Variants in LARS2 observed in about 807,000 individuals in gnomAD.
LARS2 encodes leucine--tRNA ligase, mitochondrial.
In LARS2, 81 loss-of-function variants were observed where a neutral mutation model predicts 116.6. The observed-to-expected ratio is 0.69, with a 90% CI of 0.58 to 0.84. The LOEUF is 0.84. LARS2 is among the 40% of genes least tolerant of loss of function. The probability of loss-of-function intolerance (pLI) is 0.00; values close to 1 mark genes in which losing one functional copy is unlikely to be tolerated. For missense variants in LARS2, 968 were observed against 1,114.5 expected, an observed-to-expected ratio of 0.87 and a Z score of 1.87; for synonymous variants, 396 against 407.2, an observed-to-expected ratio of 0.97 and a Z score of 0.33.
chr3:45,418,229 G>A (rs1698461343), intron 5 of LARS2, among the ~76,000 whole-genome samples: 2 of 152,316 alleles, frequency 1.3e-5, no homozygotes, highest in African/African-American at 2.4e-5. Flanking sequence ...GGCCTGGGAC[G>A]CTTCCCCATG....
chr3:45,446,702 C>A (rs1376722155), intron 6 of LARS2, among the ~76,000 whole-genome samples, 189 bp from the exon 7 acceptor site: 2 of 152,168 alleles, frequency 1.3e-5, no homozygotes, highest in Non-Finnish European at 2.9e-5. Context: ...GTGTAGGTGG[C>A]ATTTCAATAA....
rs1310061774 is a variant in LARS2, at chr3:45,394,515, G to A, written c.62G>A (p.Gly21Asp). The change falls in exon 3 of 22, where the codon GGT becomes GAT. Residue 21 changes from glycine to aspartate, a missense_variant. By Grantham distance (94) the Gly-to-Asp change is moderately conservative (BLOSUM62 -1). Coordinates refer to ENST00000645846, the MANE Select transcript of LARS2 (RefSeq NM_015340.4). ...TCTCTTCTGAAAAGACAGCTAAATG[G>A]TGGGCCAGATGTCATCAAGTGGGAA... is the stretch of plus-strand genomic sequence containing the variant. ...YASLLKRQLN[G>D]GPDVIKWERR... 6 of 1,614,040 alleles carry A rather than the reference G, an allele frequency of 3.7e-6. No individual in the cohort carries two copies. The highest frequency in any genetic ancestry group is 1.3e-5 in the African/African-American group (1 of 74,904).
At position 45,417,608 on chromosome 3, in the gene LARS2, A is replaced by C. The variant is rs936127836; in HGVS notation, c.455+35A>C. On this transcript the variant is annotated intron_variant, in intron 5 of 21. Transcript: ENST00000645846. ...TACAGGCATATTCAAATACTTGCATACAAAAACCTTTAAAAAATTTTTTTA... is the reference window on the plus strand; with the variant it reads ...TACAGGCATATTCAAATACTTGCATCCAAAAACCTTTAAAAAATTTTTTTA... 2.0e-6 allele frequency: 3 copies of C among 1,531,466 alleles called. No individual in the cohort carries two copies. In the African/African-American group the frequency reaches 4.1e-5, roughly 21 times the overall value. 94.9% of individuals were successfully genotyped at this position (1,531,466 alleles called of 1,614,324 possible).
At chr3:45,530,662 G>C (rs1400780739) in intron 20 of LARS2, among the ~76,000 whole-genome samples, 3 of 152,188 alleles carry the variant, frequency 2.0e-5, no homozygotes, top group Non-Finnish European at 2.9e-5. Flanking sequence ...GAAAAGATAT[G>C]AATCTATTTA....
chr3:45,403,558 C>T (rs762395573), intron 4 of LARS2, among the ~76,000 whole-genome samples: 27 of 152,066 alleles, frequency 1.8e-4, no homozygotes, highest in Admixed American at 4.6e-4. Context: ...TCAGATGATC[C>T]GCCCGCCTTG....
intron 19 of LARS2, among the ~76,000 whole-genome samples, chr3:45,521,123 T>A (rs1398250259): frequency 6.6e-6 from 1 of 152,004 alleles, no homozygotes; most frequent in African/African-American, 2.4e-5. Flanking sequence ...GCTAACACAG[T>A]GAAACCCCAT....
At position 45,541,899 on chromosome 3, in the gene LARS2, G is replaced by A; in HGVS notation, c.2475G>A (p.Trp825Ter). The A allele has an allele frequency of 6.2e-7, 1 of 1,614,242 alleles. No individual in the cohort carries two copies. The highest frequency in any genetic ancestry group is 8.5e-7 in the Non-Finnish European group (1 of 1,180,046). The change falls in exon 21 of 22, where the codon TGG becomes TGA. Residue 825 changes from tryptophan to a stop codon, truncating the protein, a stop_gained. Coordinates refer to ENST00000645846, the MANE Select transcript of LARS2 (RefSeq NM_015340.4). LOFTEE classifies it high-confidence loss of function. Reference sequence around the variant, plus strand: ...ATGCCAGTGTGCTGCTCCAGGCATGGCCTGCTGTGGACCCGGAGTTCCTGC... The same window carrying A: ...ATGCCAGTGTGCTGCTCCAGGCATGACCTGCTGTGGACCCGGAGTTCCTGC... ...TWDASVLLQA[W>*]PAVDPEFLQQ...
chr3:45,513,566 C>A (rs944321580), intron 16 of LARS2, among the ~76,000 whole-genome samples: 2 of 152,194 alleles, frequency 1.3e-5, no homozygotes, highest in South Asian at 4.1e-4. Context: ...AGGGATAGAG[C>A]CCCCAGGCCC....
At chr3:45,460,174 T>A (rs1178319557) in intron 8 of LARS2, among the ~76,000 whole-genome samples, 1 of 152,240 alleles carries the variant, frequency 6.6e-6, no homozygotes, top group Non-Finnish European at 1.5e-5. Context: ...TTATTCTGAA[T>A]GCAGCAGAGA....
chr3:45,400,800 C>A (rs980044024), intron 4 of LARS2, among the ~76,000 whole-genome samples: 1 of 152,176 alleles, frequency 6.6e-6, no homozygotes, highest in Admixed American at 6.5e-5. Context: ...TTTCCATATT[C>A]TTTGAGCATG....
chr3:45,429,712 T>TC (rs1205666958), intron 6 of LARS2, among the ~76,000 whole-genome samples: 1 of 149,142 alleles, frequency 6.7e-6, no homozygotes, highest in Non-Finnish European at 1.5e-5. Context: ...TTTTTTTTTT[T>TC]TTTTTTTGAG....
intron 7 of LARS2, among the ~76,000 whole-genome samples, chr3:45,454,050 G>A (rs1699177521): frequency 6.6e-6 from 1 of 152,172 alleles, no homozygotes; most frequent in Non-Finnish European, 1.5e-5. Context: ...AGGAGGATCT[G>A]AGGGAAGAGG....
At chr3:45,512,413 C>T (rs1700304388) in intron 15 of LARS2, among the ~76,000 whole-genome samples, 2 of 152,222 alleles carry the variant, frequency 1.3e-5, no homozygotes, top group South Asian at 4.1e-4. Flanking sequence ...GAAGGTCAAC[C>T]TGTTCTTATC....
At position 45,394,418 on chromosome 3, in the gene LARS2, T is replaced by G; in HGVS notation, c.-21-15T>G. 1 of 1,497,742 alleles carries G rather than the reference T, an allele frequency of 6.7e-7. No homozygotes were observed. The highest frequency in any genetic ancestry group is 9.3e-7 in the Non-Finnish European group (1 of 1,075,110). The allele number at this position is 1,497,742 out of a possible 1,614,324, so 92.8% of individuals were successfully genotyped here. ...TTGAGGCAGCTCATAGTGTGCTTTC[T>G]GCCCTCTTTTTCAGGGCCTTCTCAC... On this transcript the variant is annotated splice_polypyrimidine_tract_variant and intron_variant, in intron 2 of 21. Transcript: ENST00000645846.
At chr3:45,520,872 A>G (rs1700441928) in intron 19 of LARS2, among the ~76,000 whole-genome samples, 2 of 152,326 alleles carry the variant, frequency 1.3e-5, no homozygotes. Context: ...CTTTTTAAAA[A>G]TGAAGTCCTC....
At chr3:45,467,937 T>G (rs1420938384) in intron 8 of LARS2, among the ~76,000 whole-genome samples, 1 of 151,914 alleles carries the variant, frequency 6.6e-6, no homozygotes, top group Non-Finnish European at 1.5e-5. Flanking sequence ...ATACAAAAAT[T>G]AACTGCATGT....
At chr3:45,545,204 A>G (rs1380709227) in intron 21 of LARS2, among the ~76,000 whole-genome samples, 1 of 152,252 alleles carries the variant, frequency 6.6e-6, no homozygotes, top group African/African-American at 2.4e-5. Flanking sequence ...TGCTTGGCAC[A>G]GAGTGAGAGC....
intron 8 of LARS2, among the ~76,000 whole-genome samples, chr3:45,471,669 G>A (rs1427333824): frequency 2.0e-5 from 3 of 152,206 alleles, no homozygotes; most frequent in Non-Finnish European, 4.4e-5. Context: ...TGATATGATG[G>A]AAAGACATCA....
intron 13 of LARS2, among the ~76,000 whole-genome samples, chr3:45,492,008 C>G (rs1206913069): frequency 6.6e-6 from 1 of 152,228 alleles, no homozygotes; most frequent in African/African-American, 2.4e-5. Flanking sequence ...ATCCTCCCTT[C>G]TCTGAGCTGT....
Sources: gnomAD v4.1 joint callset for allele counts (sites outside exome capture counted in the v4.1 genomes callset) on GRCh38, gnomAD v4.1.1 for gene constraint, MANE v1.5 for transcripts, NCBI Gene and HGNC (gene_info 2026-07-23, HGNC 2026-07-21) for gene names.